SHROOM2: variants seen among roughly 807,000 people sequenced by gnomAD.
The protein encoded by SHROOM2 is protein Shroom2.
SHROOM2 carries 33 observed loss-of-function variants against 75.9 expected under a neutral mutation model. That is an observed-to-expected ratio of 0.43 (90% confidence interval 0.33 to 0.58). The LOEUF is 0.58. SHROOM2 is among the 20% of genes least tolerant of loss of function. SHROOM2 has a pLI of 0.04. For synonymous variants in SHROOM2, 655 were observed against 663.6 expected, an observed-to-expected ratio of 0.99 and a Z score of 0.20; for missense variants, 1,434 against 1,461.2, an observed-to-expected ratio of 0.98 and a Z score of 0.30.
intron 8 of SHROOM2, among the ~76,000 whole-genome samples, chrX:9,940,801 T>C (rs1427776183): frequency 8.9e-6 from 1 of 111,775 alleles, no homozygotes; most frequent in East Asian, 2.8e-4. Flanking sequence ...CAGGGGAACA[T>C]ATGAGACCCT....
At chrX:9,820,146 G>A (rs2083845697) in intron 1 of SHROOM2, among the ~76,000 whole-genome samples, 1 of 99,522 alleles carries the variant, frequency 1.0e-5, no homozygotes, top group African/African-American at 3.6e-5. Flanking sequence ...TATGTTTTTC[G>A]AGCCTCAAGA....
chrX:9,921,956 C>T (rs770674451), intron 5 of SHROOM2, among the ~76,000 whole-genome samples: 29 of 111,690 alleles, frequency 2.6e-4, no homozygotes, highest in Non-Finnish European at 5.3e-4. Flanking sequence ...TGAGTTCTGC[C>T]ATATTTTGCT....
At position 9,884,368 on chromosome X, in the gene SHROOM2, C is replaced by CTTTT. The variant is rs1181815816; in HGVS notation, c.318-6591_318-6588dup. Among the ~76,000 whole-genome samples the CTTTT allele has an allele frequency of 7.1e-3, 442 of 62,141 alleles. 7 individuals are homozygous for CTTTT. The East Asian group carries it at 0.075, about 11-fold the overall frequency. The allele number at this position is 62,141 out of a possible 115,157, so 54.0% of individuals were successfully genotyped here. On this transcript the variant is annotated intron_variant, in intron 2 of 9. Transcript: ENST00000380913. ...ACACTCGTGATTTTTTTTTTCTTTT[C>CTTTT]TTTTTTTTTTTTTTTTTTTTTAGTT...
intron 4 of SHROOM2, among the ~76,000 whole-genome samples, chrX:9,897,923 G>A (rs1223097636): frequency 8.9e-6 from 1 of 112,196 alleles, no homozygotes; most frequent in Non-Finnish European, 1.9e-5. Context: ...ACTAGAGCTT[G>A]AGGCTTCACC....
intron 1 of SHROOM2, among the ~76,000 whole-genome samples, chrX:9,832,064 G>A (rs2083919517): frequency 8.9e-6 from 1 of 111,979 alleles, no homozygotes. Flanking sequence ...CTTAGGGCTG[G>A]GACCCCTAGG....
chrX:9,896,782 C>A (rs1016182607), intron 4 of SHROOM2, 84 bp downstream of exon 4: 3 of 977,741 alleles, frequency 3.1e-6, no homozygotes, highest in Non-Finnish European at 4.1e-6. Flanking sequence ...GACGCCAGGG[C>A]TACTCAGCTC....
rs756186985 is a variant in SHROOM2, at chrX:9,937,339, C to T, written c.3793C>T (p.Arg1265Trp). Residue 1265 changes from arginine (R) to tryptophan (W), a missense_variant, in exon 7 of 10, where the codon CGG (arginine) becomes TGG (tryptophan). Physicochemically the swap from Arg to Trp is moderately radical, Grantham distance 101 (BLOSUM62 -3). This residue lies in a region of SHROOM2 where 1,340 missense variants were observed against 1,338.3 expected (regional missense o/e 1.00). Transcript: ENST00000380913. ...CTACTCGCGCTTCTGTCTGTACACG[C>T]GGCAGGGTGCTGAGCCCGAGGCCCC... ...QFYSRFCLYT[R>W]QGAEPEAPHR... The T allele has an allele frequency of 2.5e-5, 30 of 1,205,067 alleles. No individual in the cohort carries two copies. In the South Asian group the frequency reaches 2.7e-4, roughly 11 times the overall value.
chrX:9,856,201 A>G (rs1169302771), intron 1 of SHROOM2, among the ~76,000 whole-genome samples: 1 of 110,293 alleles, frequency 9.1e-6, no homozygotes, highest in Non-Finnish European at 1.9e-5. Context: ...TACAAATTAG[A>G]GAATAGTTTG....
intron 2 of SHROOM2, among the ~76,000 whole-genome samples, chrX:9,884,582 G>A (rs181328767): frequency 9.5e-6 from 1 of 105,714 alleles, no homozygotes; most frequent in Admixed American, 1.0e-4. Flanking sequence ...GCTCGCTGCA[G>A]CCTTGAACTC....
chrX:9,910,743 G>C (rs980481951), intron 5 of SHROOM2, among the ~76,000 whole-genome samples: 1 of 110,543 alleles, frequency 9.0e-6, no homozygotes, highest in Non-Finnish European at 1.9e-5. Flanking sequence ...CTTGAACCCA[G>C]GAGGCGGAGG....
At chrX:9,932,149 T>C (rs747059087) in intron 5 of SHROOM2, 26 bp from the exon 6 acceptor site, 1 of 1,104,300 alleles carries the variant, frequency 9.1e-7, no homozygotes. Flanking sequence ...GAATCGTTGA[T>C]TAATTTGTAC....
intron 1 of SHROOM2, among the ~76,000 whole-genome samples, chrX:9,828,810 C>A (rs966851950): frequency 1.8e-5 from 2 of 111,479 alleles, no homozygotes; most frequent in Admixed American, 9.6e-5. Context: ...TCCACACATA[C>A]AATTTTACGA....
At chrX:9,932,046 G>T (rs1181644286) in intron 5 of SHROOM2, 129 bp from the exon 6 acceptor site, 2 of 566,682 alleles carry the variant, frequency 3.5e-6, no homozygotes, top group Non-Finnish European at 5.1e-6. Flanking sequence ...GGCGACAGGT[G>T]TGGGAAAGTG....
chrX:9,807,549 C>T (rs185818093), intron 1 of SHROOM2, among the ~76,000 whole-genome samples: 31 of 111,851 alleles, frequency 2.8e-4, no homozygotes, highest in Middle Eastern at 4.6e-3. Context: ...TAGCAACAGG[C>T]GTGTCACATA....
intron 5 of SHROOM2, among the ~76,000 whole-genome samples, chrX:9,915,504 C>T (rs2084482262): frequency 8.9e-6 from 1 of 111,883 alleles, no homozygotes; most frequent in Non-Finnish European, 1.9e-5. Flanking sequence ...GGTAATGCCT[C>T]ATAAAGCCAC....
In SHROOM2 at chrX:9,786,577, AGCG is replaced by A; in HGVS notation, c.33_35del (p.Glu11_Arg12delinsAsp). ...GGCGCCGAGCCCCGCGCGCGGCCCG[AGCG>A]CCTGGCCGAGGCCGAGACGCGGGCG... On this transcript the variant is annotated inframe_deletion, in exon 1 of 10. Transcript: ENST00000380913. 1 of 863,149 alleles carries A rather than the reference AGCG, an allele frequency of 1.2e-6. No homozygotes were observed. Among genetic ancestry groups the A allele is most frequent in the East Asian group, 6.1e-5 (1 of 16,277 alleles). The allele number at this position is 863,149 out of a possible 1,213,427, so 71.1% of individuals were successfully genotyped here.
At chrX:9,810,196 C>A in intron 1 of SHROOM2, among the ~76,000 whole-genome samples, 1 of 111,047 alleles carries the variant, frequency 9.0e-6, no homozygotes, top group Non-Finnish European at 1.9e-5. Flanking sequence ...ATTCCCTTTG[C>A]CTTCAGCAAG....
intron 1 of SHROOM2, among the ~76,000 whole-genome samples, chrX:9,796,548 A>C (rs949121708): frequency 2.7e-5 from 3 of 112,062 alleles, no homozygotes; most frequent in Non-Finnish European, 5.6e-5. Context: ...CTACCAAAAA[A>C]CTTTTTTCCA....
intron 1 of SHROOM2, among the ~76,000 whole-genome samples, chrX:9,803,449 G>A (rs1176841994): frequency 8.9e-6 from 1 of 111,840 alleles, no homozygotes; most frequent in African/African-American, 3.2e-5. Context: ...ATGGGTATGG[G>A]ACTGGCTCAG....
Sources: gnomAD v4.1 joint callset for allele counts (sites outside exome capture counted in the v4.1 genomes callset) on GRCh38, gnomAD v4.1.1 for gene constraint, gnomAD v4.1.1 regional missense constraint, MANE v1.5 for transcripts, NCBI Gene and HGNC (gene_info 2026-07-23, HGNC 2026-07-21) for gene names.